Variants in FNDC3A observed in about 807,000 individuals in gnomAD.
FNDC3A encodes the protein fibronectin type-III domain-containing protein 3A.
In FNDC3A, 32 loss-of-function variants were observed where a neutral mutation model predicts 148.9. The observed-to-expected ratio is 0.21, with a 90% confidence interval of 0.16 to 0.29. The LOEUF is 0.29. Among genes scored for constraint, FNDC3A ranks in the 10% least tolerant of loss-of-function variants. FNDC3A has a pLI of 1.00. For missense variants in FNDC3A, 1,191 were observed against 1,452.8 expected (o/e 0.82, Z 2.93); for synonymous variants, 472 against 473.6 (o/e 1.00, Z 0.04).
chr13:49,179,176 A>T (rs1304543984), intron 14 of FNDC3A, among the ~76,000 whole-genome samples: 1 of 152,166 alleles, frequency 6.6e-6, no homozygotes, highest in Non-Finnish European at 1.5e-5. Flanking sequence ...ACCAATTTAT[A>T]TGGCTCTTAT....
At chr13:49,069,108 A>C (rs1877473231) in intron 2 of FNDC3A, among the ~76,000 whole-genome samples, 1 of 152,244 alleles carries the variant, frequency 6.6e-6, no homozygotes, top group Non-Finnish European at 1.5e-5. Flanking sequence ...AAGCTGATTT[A>C]AGTAAAACTC....
At chr13:49,083,478 G>A (rs1283844292) in intron 3 of FNDC3A, among the ~76,000 whole-genome samples, 1 of 151,988 alleles carries the variant, frequency 6.6e-6, no homozygotes, top group African/African-American at 2.4e-5. Context: ...GTGTATGCTG[G>A]TTAGACGGTA....
intron 1 of FNDC3A, among the ~76,000 whole-genome samples, chr13:48,989,754 C>CTTT (rs35947839): frequency 7.0e-6 from 1 of 143,800 alleles, no homozygotes; most frequent in African/African-American, 2.5e-5. Context: ...TTAAAGATAA[C>CTTT]TTTTTTTTTT....
intron 3 of FNDC3A, among the ~76,000 whole-genome samples, chr13:49,108,375 GAAC>G (rs1358737594): frequency 6.6e-6 from 1 of 152,148 alleles, no homozygotes; most frequent in Non-Finnish European, 1.5e-5. Context: ...CATGAAACAG[GAAC>G]AACAGTGGTG....
At chr13:49,175,589 C>A in intron 13 of FNDC3A, 48 bp downstream of exon 13, 3 of 1,334,974 alleles carry the variant, frequency 2.2e-6, no homozygotes, top group Non-Finnish European at 3.1e-6. Flanking sequence ...ACATTTTCAG[C>A]TTAAGGAGAT....
At position 49,070,894 on chromosome 13, in the gene FNDC3A, GT is replaced by G. The variant is rs930772693; in HGVS notation, c.100-4391del. ...ATAACAGGATTTCTTTTTTTTTTTT[GT>G]TTTGTTTTTTTTCTTTTTTTTGAGA... On this transcript the variant is annotated intron_variant, in intron 2 of 25. Transcript: ENST00000492622. Among the ~76,000 whole-genome samples, 46 of 135,406 alleles carry G rather than the reference GT, an allele frequency of 3.4e-4. 1 individual carries two copies. Among genetic ancestry groups the G allele is most frequent in the African/African-American group, 1.1e-3 (40 of 36,794 alleles). 88.8% of individuals were successfully genotyped at this position (135,406 alleles called of 152,430 possible).
chr13:49,003,110 G>T (rs1178957847), intron 1 of FNDC3A, among the ~76,000 whole-genome samples: 1 of 152,026 alleles, frequency 6.6e-6, no homozygotes, highest in Non-Finnish European at 1.5e-5. Flanking sequence ...CTGTCACCCA[G>T]GCTGGAGTTC....
rs1052918476 is a variant in FNDC3A at position 49,119,816 on chromosome 13, G to C, written c.252+5085G>C. ...ACAAGAATGAAAATGAACGAACAAAGCCTCCAAGAAATATGGGACTATGTG... is the reference window on the plus strand; with the variant it reads ...ACAAGAATGAAAATGAACGAACAAACCCTCCAAGAAATATGGGACTATGTG... On this transcript the variant is annotated intron_variant, in intron 4 of 25. Coordinates refer to ENST00000492622, the MANE Select transcript of FNDC3A (RefSeq NM_001079673.2). 5.3e-5 allele frequency among the ~76,000 whole-genome samples: 8 copies of C among 152,112 alleles called. No homozygotes were observed. The East Asian group carries it at 1.5e-3, about 29-fold the overall frequency.
intron 2 of FNDC3A, among the ~76,000 whole-genome samples, chr13:49,011,851 A>T (rs1952352321): frequency 6.6e-6 from 1 of 152,182 alleles, no homozygotes; most frequent in African/African-American, 2.4e-5. Flanking sequence ...GAGGCAATGA[A>T]AATATTTCTA....
intron 1 of FNDC3A, among the ~76,000 whole-genome samples, chr13:48,987,018 A>G (rs2137557413): frequency 6.6e-6 from 1 of 152,364 alleles, no homozygotes; most frequent in South Asian, 2.1e-4. Flanking sequence ...GTGGCCAGAA[A>G]ATATTCAGAA....
At position 49,174,535 on chromosome 13, in the gene FNDC3A, C is replaced by T. The variant is rs373449624; in HGVS notation, c.1331C>T (p.Ser444Leu). 27 of 1,612,206 alleles carry T rather than the reference C, an allele frequency of 1.7e-5. No homozygotes were observed. In the Admixed American group the frequency reaches 1.8e-4, roughly 11 times the overall value. Residue 444 changes from serine to leucine, a missense_variant, in exon 12 of 26, where the codon TCG becomes TTG. Coordinates refer to ENST00000492622, the MANE Select transcript of FNDC3A (RefSeq NM_001079673.2). ...GCAATGGGCTGTAAATTCAGACTAT[C>T]GGCCAGAAATGACTATGGTACAAGG... The part of the protein sequence containing the change: ...SPAMGCKFRL[S>L]ARNDYGTSGF...
chr13:49,074,966 G>A (rs988589378), intron 2 of FNDC3A, among the ~76,000 whole-genome samples: 2 of 152,122 alleles, frequency 1.3e-5, no homozygotes, highest in Non-Finnish European at 2.9e-5. Context: ...ATGATACTTA[G>A]CAACTGATAA....
intron 3 of FNDC3A, among the ~76,000 whole-genome samples, chr13:49,097,882 A>C (rs1005711489): frequency 6.6e-6 from 1 of 152,116 alleles, no homozygotes; most frequent in Non-Finnish European, 1.5e-5. Context: ...TGGGAAGAAG[A>C]CCTGAAATTA....
intron 25 of FNDC3A, among the ~76,000 whole-genome samples, chr13:49,205,337 T>C (rs2138146046): frequency 6.6e-6 from 1 of 152,248 alleles, no homozygotes; most frequent in South Asian, 2.1e-4. Context: ...ATAAGACAAA[T>C]ACATATTTTT....
At chr13:49,020,591 C>T (rs1593481220) in intron 2 of FNDC3A, among the ~76,000 whole-genome samples, 1 of 152,210 alleles carries the variant, frequency 6.6e-6, no homozygotes, top group East Asian at 1.9e-4. Flanking sequence ...TGCTGGTATC[C>T]TGGTGAACTA....
chr13:48,980,400 G>A (rs551387202), intron 1 of FNDC3A, among the ~76,000 whole-genome samples: 1 of 152,064 alleles, frequency 6.6e-6, no homozygotes, highest in Non-Finnish European at 1.5e-5. Context: ...GTTAATAAAG[G>A]GACAAGCAGT....
At chr13:49,100,927 T>C (rs1879819876) in intron 3 of FNDC3A, among the ~76,000 whole-genome samples, 2 of 152,122 alleles carry the variant, frequency 1.3e-5, no homozygotes, top group South Asian at 4.1e-4. Context: ...CCTATTAGCA[T>C]GTATAATGTA....
chr13:49,015,077 T>C (rs1417465442), intron 2 of FNDC3A, among the ~76,000 whole-genome samples: 1 of 152,226 alleles, frequency 6.6e-6, no homozygotes, highest in African/African-American at 2.4e-5. Context: ...GACTTGGCGA[T>C]GCGGTCTCTT....
chr13:49,006,415 C>G lies in FNDC3A; in HGVS notation c.99+126C>G, dbSNP rs77387931. The G allele has an allele frequency of 5.9e-3, 3,009 of 507,950 alleles. 82 individuals carry two copies. The highest frequency in any genetic ancestry group is 0.053 in the African/African-American group (2,638 of 50,166). The allele number at this position is 507,950 out of a possible 1,614,324, so 31.5% of individuals were successfully genotyped here. On this transcript the variant is annotated intron_variant, in intron 2 of 25. Transcript: ENST00000492622. Reference sequence around the variant, plus strand: ...TAAATTCCCAATTCAAAATGTTGTTCAGTTTTATAAGATGATAAAAATAAT... The same window carrying G: ...TAAATTCCCAATTCAAAATGTTGTTGAGTTTTATAAGATGATAAAAATAAT...
Sources: gnomAD v4.1 joint callset for allele counts (sites outside exome capture counted in the v4.1 genomes callset) on GRCh38, gnomAD v4.1.1 for gene constraint, MANE v1.5 for transcripts, NCBI Gene and HGNC (gene_info 2026-07-23, HGNC 2026-07-21) for gene names.